The following CSPP1 variants were observed in gnomAD, a reference collection of about 807,000 sequenced individuals.
CSPP1 encodes the protein centrosome and spindle pole-associated protein 1.
CSPP1 carries 126 observed loss-of-function variants against 164.4 expected under a neutral mutation model. The ratio of observed to expected loss-of-function variants is 0.77; its 90% confidence interval spans 0.66 to 0.89. The LOEUF (loss-of-function observed/expected upper bound fraction) is 0.89, where lower values mean the gene tolerates loss of function less well. CSPP1 is among the 40% of genes least tolerant of loss of function. CSPP1 has a pLI of 0.00. For synonymous variants in CSPP1, 472 were observed against 476.7 expected (o/e 0.99, Z 0.13); for missense variants, 1,395 against 1,449.8 (o/e 0.96, Z 0.61).
chr8:67,150,050 A>C, intron 18 of CSPP1, 115 bp downstream of exon 18: 3 of 1,100,048 alleles, frequency 2.7e-6, no homozygotes. Context: ...GGCTATCCTG[A>C]TACAGGAAAC....
chr8:67,093,477 G>T, intron 5 of CSPP1, 66 bp from the exon 6 acceptor site: 2 of 903,416 alleles, frequency 2.2e-6, no homozygotes, highest in South Asian at 1.4e-5. Context: ...CATTCTGATA[G>T]GACATTGAGG....
chr8:67,156,805 T>C (rs1276210966), intron 19 of CSPP1, among the ~76,000 whole-genome samples: 2 of 152,218 alleles, frequency 1.3e-5, no homozygotes, highest in Non-Finnish European at 2.9e-5. Context: ...CTTGTGAATG[T>C]TTGACATTTT....
rs1828417560 is a variant in CSPP1, at chr8:67,161,826, TCTC to T, written c.2557_2559del (p.Pro853del). On this transcript the variant is annotated inframe_deletion, in exon 22 of 31. Coordinates refer to ENST00000678616, the MANE Select transcript of CSPP1 (RefSeq NM_001382391.1). ...AATTTTTCAGCACATGAGACAGCCTTCTCCTATAGTTCCTGCTCTTCAGAACAA... is the reference window on the plus strand; with the variant it reads ...AATTTTTCAGCACATGAGACAGCCTTCTATAGTTCCTGCTCTTCAGAACAA... 3.1e-6 allele frequency: 5 copies of T among 1,612,634 alleles called. No homozygotes were observed. Among genetic ancestry groups the T allele is most frequent in the East Asian group, 2.2e-5 (1 of 44,864 alleles).
At chr8:67,066,158 T>G (rs1488364859) in intron 1 of CSPP1, among the ~76,000 whole-genome samples, 1 of 152,158 alleles carries the variant, frequency 6.6e-6, no homozygotes, top group Non-Finnish European at 1.5e-5. Context: ...CAACATGGTT[T>G]TATATATTTA....
In CSPP1 at chr8:67,064,436, C is replaced by G. The variant is rs985641240; in HGVS notation, c.-113C>G. 1 of 1,613,924 alleles carries G rather than the reference C, an allele frequency of 6.2e-7. No homozygotes were observed. The highest frequency in any genetic ancestry group is 8.5e-7 in the Non-Finnish European group (1 of 1,179,898). On this transcript the variant is annotated 5_prime_UTR_variant, in exon 1 of 31. Transcript: ENST00000678616. ...CTCCAGGTGGCCGCTGTAACCTCTT[C>G]GGTCCGCGACGATCCTCTAGAGCAC...
chr8:67,109,566 C>T (rs1816385201), intron 9 of CSPP1, among the ~76,000 whole-genome samples: 1 of 152,084 alleles, frequency 6.6e-6, no homozygotes, highest in South Asian at 2.1e-4. Context: ...GGGAATTATA[C>T]AGGGATTCAG....
At chr8:67,165,022 G>T (rs1010883135) in intron 24 of CSPP1, among the ~76,000 whole-genome samples, 7 of 152,260 alleles carry the variant, frequency 4.6e-5, no homozygotes, top group Admixed American at 1.3e-4. Context: ...AGTTGCTCAC[G>T]CCTGTAATCC....
chr8:67,130,213 A>T (rs900435803), intron 15 of CSPP1, among the ~76,000 whole-genome samples: 2 of 152,222 alleles, frequency 1.3e-5, no homozygotes, highest in African/African-American at 2.4e-5. Context: ...GACTATACTT[A>T]ATACCCCAAT....
At chr8:67,133,859 T>C (rs1000475342) in intron 16 of CSPP1, 1 of 152,238 alleles carries the variant, frequency 6.6e-6, no homozygotes, top group Non-Finnish European at 1.5e-5. Flanking sequence ...TCACAACATC[T>C]TTACCAAGAG....
intron 7 of CSPP1, among the ~76,000 whole-genome samples, chr8:67,096,302 C>T (rs1031394100): frequency 2.0e-5 from 3 of 152,196 alleles, no homozygotes; most frequent in African/African-American, 7.2e-5. Context: ...CATGGTGGCT[C>T]ATGCCTGTAA....
Position 67,091,848 on chromosome 8 carries a change from G to A in CSPP1, c.349G>A (p.Val117Ile), listed in dbSNP as rs1336439427. 2 of 1,351,028 alleles carry A rather than the reference G, an allele frequency of 1.5e-6. No homozygotes were observed. Among genetic ancestry groups the A allele is most frequent in the Non-Finnish European group, 2.0e-6 (2 of 1,013,186 alleles). 83.7% of individuals were successfully genotyped at this position (1,351,028 alleles called of 1,614,324 possible). Residue 117 changes from valine to isoleucine, a missense_variant, in exon 5 of 31, where the codon GTT becomes ATT. Val to Ile is a conservative substitution (Grantham distance 29). Coordinates refer to ENST00000678616, the MANE Select transcript of CSPP1 (RefSeq NM_001382391.1). ...TSETDPSTLG[V>I]SLPIGERLSA... The stretch of plus-strand genomic sequence containing the variant: ...TGAAACAGATCCATCTACTTTGGGA[G>A]TTTCTCTTCCTATTGGTGAGAGGTT...
intron 25 of CSPP1, chr8:67,173,862 A>C (rs1830987325): frequency 6.6e-6 from 1 of 152,180 alleles, no homozygotes; most frequent in South Asian, 2.1e-4. Flanking sequence ...ATAAACTAAG[A>C]CATTATTTGT....
chr8:67,136,174 C>CA (rs1158137456), intron 16 of CSPP1, among the ~76,000 whole-genome samples: 1 of 151,960 alleles, frequency 6.6e-6, no homozygotes, highest in Non-Finnish European at 1.5e-5. Flanking sequence ...TGAGAATTAC[C>CA]AAAATGTGAC....
intron 17 of CSPP1, among the ~76,000 whole-genome samples, chr8:67,138,728 C>T (rs1822874575): frequency 6.6e-6 from 1 of 152,176 alleles, no homozygotes; most frequent in Admixed American, 6.5e-5. Flanking sequence ...AATTTTCTCC[C>T]ATTCTGTAGG....
chr8:67,159,874 TTCTTTCTTTC>T (rs1372813916), intron 21 of CSPP1, among the ~76,000 whole-genome samples: 2 of 58,236 alleles, frequency 3.4e-5, no homozygotes, highest in East Asian at 9.5e-4. Context: ...CTTTCTTTCT[TTCTTTCTTTC>T]TTTCTTTCTT....
intron 3 of CSPP1, among the ~76,000 whole-genome samples, chr8:67,079,678 A>G (rs1585881893): frequency 6.6e-6 from 1 of 152,056 alleles, no homozygotes; most frequent in Admixed American, 6.6e-5. Flanking sequence ...TTTTTTTCTT[A>G]TATGATAAAT....
At chr8:67,174,054 G>C (rs1831037105) in intron 25 of CSPP1, 1 of 151,996 alleles carries the variant, frequency 6.6e-6, no homozygotes, top group Non-Finnish European at 1.5e-5. Flanking sequence ...AAAGCTCTTT[G>C]GGGTCCTCAA....
At chr8:67,078,314 C>T (rs1000735497) in intron 3 of CSPP1, among the ~76,000 whole-genome samples, 3 of 152,028 alleles carry the variant, frequency 2.0e-5, no homozygotes, top group Non-Finnish European at 2.9e-5. Flanking sequence ...GTAATTGGTA[C>T]ACAATAAATA....
At chr8:67,185,118 CAAAA>C (rs1380466613) in intron 28 of CSPP1, among the ~76,000 whole-genome samples, 3 of 143,760 alleles carry the variant, frequency 2.1e-5, no homozygotes, top group Admixed American at 6.8e-5. Context: ...AAAAAAAAAA[CAAAA>C]ACAAACAAAC....
Sources: gnomAD v4.1 joint callset for allele counts (sites outside exome capture counted in the v4.1 genomes callset) on GRCh38, gnomAD v4.1.1 for gene constraint, MANE v1.5 for transcripts, NCBI Gene and HGNC (gene_info 2026-07-23, HGNC 2026-07-21) for gene names.